GABRB2: variants seen among roughly 807,000 people sequenced by gnomAD.
GABRB2 encodes the protein gamma-aminobutyric acid type A receptor subunit beta2.
GABRB2 carries 16 observed loss-of-function variants against 54.7 expected under a neutral mutation model. That is an observed-to-expected ratio of 0.29 (90% confidence interval 0.20 to 0.44). The LOEUF (loss-of-function observed/expected upper bound fraction) is 0.44. GABRB2 is among the 20% of genes least tolerant of loss of function. The pLI is 1.00. For missense variants in GABRB2, 355 were observed against 644.0 expected (o/e 0.55, Z 4.86); for synonymous variants, 244 against 233.8 (o/e 1.04, Z -0.40).
At chr5:161,296,065 C>T (rs182049509) in intron 9 of GABRB2, among the ~76,000 whole-genome samples, 2 of 152,264 alleles carry the variant, frequency 1.3e-5, no homozygotes, top group African/African-American at 4.8e-5. Context: ...TTGGAAGTGG[C>T]ATTTTTTCCC....
At chr5:161,319,200 C>T (rs1369410743) in intron 9 of GABRB2, among the ~76,000 whole-genome samples, 2 of 149,948 alleles carry the variant, frequency 1.3e-5, no homozygotes, top group African/African-American at 4.9e-5. Flanking sequence ...ACTGTTCCAT[C>T]CTAAGCCAAG....
At chr5:161,496,192 C>A (rs1347985704) in intron 3 of GABRB2, among the ~76,000 whole-genome samples, 1 of 152,118 alleles carries the variant, frequency 6.6e-6, no homozygotes, top group Non-Finnish European at 1.5e-5. Flanking sequence ...TGACTTTGAA[C>A]TAATTATGCA....
intron 4 of GABRB2, among the ~76,000 whole-genome samples, chr5:161,452,193 G>A (rs955025291): frequency 6.6e-6 from 1 of 152,030 alleles, no homozygotes; most frequent in Non-Finnish European, 1.5e-5. Context: ...AATAAATCAG[G>A]GTTTTCTTCA....
intron 3 of GABRB2, among the ~76,000 whole-genome samples, chr5:161,477,236 A>G (rs1269605121): frequency 2.7e-5 from 4 of 150,774 alleles, no homozygotes; most frequent in African/African-American, 9.7e-5. Flanking sequence ...TGAGATATCT[A>G]TCACTTTGTA....
At chr5:161,470,598 C>A (rs1000460919) in intron 3 of GABRB2, among the ~76,000 whole-genome samples, 1 of 151,800 alleles carries the variant, frequency 6.6e-6, no homozygotes, top group Non-Finnish European at 1.5e-5. Flanking sequence ...GAGTGATGAA[C>A]AGGCAGATAA....
At chr5:161,421,141 T>G (rs575660474) in intron 4 of GABRB2, among the ~76,000 whole-genome samples, 2 of 152,334 alleles carry the variant, frequency 1.3e-5, no homozygotes, top group Admixed American at 1.3e-4. Flanking sequence ...ATTGCTATTT[T>G]CTAGGCACTT....
chr5:161,529,706 T>C lies in GABRB2; in HGVS notation c.237+15521A>G, dbSNP rs1760398500. 3.3e-5 allele frequency among the ~76,000 whole-genome samples: 5 copies of C among 152,206 alleles called. No homozygotes were observed. The South Asian group carries it at 1.0e-3, about 32-fold the overall frequency. On this transcript the variant is annotated intron_variant, in intron 3 of 9. Coordinates refer to ENST00000393959, the MANE Select transcript of GABRB2 (RefSeq NM_001371727.1). The stretch of plus-strand genomic sequence containing the variant: ...GTCGTAATCAAATATATCCCAATTG[T>C]ATGTCAAAGTTCTAATGTAATTTTT...
At chr5:161,469,821 C>A (rs1475764427) in intron 3 of GABRB2, among the ~76,000 whole-genome samples, 1 of 151,926 alleles carries the variant, frequency 6.6e-6, no homozygotes, top group Non-Finnish European at 1.5e-5. Flanking sequence ...TTCAAAGAAA[C>A]CCTATGGCCA....
At chr5:161,348,292 A>G (rs1188550909) in intron 5 of GABRB2, among the ~76,000 whole-genome samples, 1 of 152,104 alleles carries the variant, frequency 6.6e-6, no homozygotes, top group African/African-American at 2.4e-5. Context: ...TATCTAATGA[A>G]TATAAATAAC....
chr5:161,392,781 A>G (rs1308807252), intron 5 of GABRB2, among the ~76,000 whole-genome samples: 2 of 152,210 alleles, frequency 1.3e-5, no homozygotes, highest in South Asian at 2.1e-4. Flanking sequence ...TTGAATATCT[A>G]TAGATAATCA....
chr5:161,354,472 T>C (rs1331439744), intron 5 of GABRB2, among the ~76,000 whole-genome samples: 1 of 152,010 alleles, frequency 6.6e-6, no homozygotes, highest in Non-Finnish European at 1.5e-5. Flanking sequence ...AAGAAAACTC[T>C]AGCAACTTCT....
intron 5 of GABRB2, among the ~76,000 whole-genome samples, chr5:161,360,515 G>T (rs764964971): frequency 1.2e-4 from 19 of 152,152 alleles, no homozygotes; most frequent in Non-Finnish European, 1.8e-4. Context: ...AACACTGGAT[G>T]ATACTACAGA....
intron 3 of GABRB2, among the ~76,000 whole-genome samples, chr5:161,539,606 AT>A (rs1287467527): frequency 2.0e-5 from 3 of 152,174 alleles, no homozygotes; most frequent in African/African-American, 7.2e-5. Flanking sequence ...AGTAAATTAT[AT>A]TGCCAACCCA....
At chr5:161,502,135 C>T (rs368839145) in intron 3 of GABRB2, among the ~76,000 whole-genome samples, 39 of 150,870 alleles carry the variant, frequency 2.6e-4, no homozygotes, top group East Asian at 2.3e-3. Context: ...ATTTTCATAA[C>T]GTTAGGAAAA....
At chr5:161,350,032 T>C (rs1419701914) in intron 5 of GABRB2, among the ~76,000 whole-genome samples, 1 of 152,102 alleles carries the variant, frequency 6.6e-6, no homozygotes, top group Non-Finnish European at 1.5e-5. Flanking sequence ...TAATAACTCT[T>C]AGCAAATTAG....
intron 3 of GABRB2, among the ~76,000 whole-genome samples, chr5:161,465,549 T>A (rs759965820): frequency 1.4e-4 from 22 of 152,154 alleles, no homozygotes; most frequent in Non-Finnish European, 2.5e-4. Flanking sequence ...TATAGTTTGT[T>A]TTCTATTGCC....
intron 4 of GABRB2, among the ~76,000 whole-genome samples, chr5:161,419,525 A>G (rs370584207): frequency 6.6e-6 from 1 of 152,254 alleles, no homozygotes; most frequent in South Asian, 2.1e-4. Flanking sequence ...TTATCTCAGC[A>G]CTATTCACAA....
chr5:161,469,727 A>ACACATG (rs1758385338), intron 3 of GABRB2, among the ~76,000 whole-genome samples: 1 of 144,398 alleles, frequency 6.9e-6, no homozygotes, highest in African/African-American at 2.6e-5. Flanking sequence ...ACATACACAT[A>ACACATG]CACATACAGC....
intron 4 of GABRB2, among the ~76,000 whole-genome samples, chr5:161,457,612 A>AT (rs1392603055): frequency 4.0e-5 from 6 of 151,700 alleles, no homozygotes; most frequent in South Asian, 2.1e-4. Context: ...CGCCCAGCAA[A>AT]TTTTTTTTAA....
Sources: gnomAD v4.1 joint callset for allele counts (sites outside exome capture counted in the v4.1 genomes callset) on GRCh38, gnomAD v4.1.1 for gene constraint, MANE v1.5 for transcripts, NCBI Gene and HGNC (gene_info 2026-07-23, HGNC 2026-07-21) for gene names.